ASH1L: variants seen among roughly 807,000 people sequenced by gnomAD.
ASH1L encodes ASH1 like histone lysine methyltransferase.
ASH1L carries 23 observed loss-of-function variants against 269.0 expected under a neutral mutation model. The ratio of observed to expected loss-of-function variants is 0.09; its 90% CI spans 0.06 to 0.12. ASH1L has a LOEUF of 0.12. Among genes scored for constraint, ASH1L ranks in the 10% least tolerant of loss-of-function variants. The pLI is 1.00. For synonymous variants in ASH1L, 1,187 were observed against 1,253.5 expected, an observed-to-expected ratio of 0.95 and a Z score of 1.12; for missense variants, 2,912 against 3,567.8, an observed-to-expected ratio of 0.82 and a Z score of 4.68.
At chr1:155,550,740 GTCTA>G (rs899741748) in intron 1 of ASH1L, among the ~76,000 whole-genome samples, 5 of 152,032 alleles carry the variant, frequency 3.3e-5, no homozygotes, top group African/African-American at 1.2e-4. Flanking sequence ...ATTTAATATT[GTCTA>G]TCTTACTCAA....
intron 2 of ASH1L, among the ~76,000 whole-genome samples, chr1:155,493,882 A>AT (rs535157037): frequency 3.5e-4 from 53 of 151,692 alleles, no homozygotes; most frequent in Middle Eastern, 3.4e-3. Flanking sequence ...TCAAAAAAAA[A>AT]TTTTTTTTTC....
chr1:155,417,835 G>A (rs978508356), intron 5 of ASH1L, among the ~76,000 whole-genome samples: 2 of 152,020 alleles, frequency 1.3e-5, no homozygotes, highest in African/African-American at 2.4e-5. Flanking sequence ...GTGCAAGCCC[G>A]TAGTCCCAGC....
intron 7 of ASH1L, among the ~76,000 whole-genome samples, chr1:155,381,574 C>CA (rs1459613736): frequency 6.7e-6 from 1 of 149,854 alleles, no homozygotes; most frequent in African/African-American, 2.5e-5. Context: ...ATCAAACAAA[C>CA]AAAAAAACCA....
At chr1:155,369,248 C>T (rs1038544864) in intron 12 of ASH1L, among the ~76,000 whole-genome samples, 1 of 152,038 alleles carries the variant, frequency 6.6e-6, no homozygotes, top group Non-Finnish European at 1.5e-5. Context: ...TCGAGACCAT[C>T]CTGGCTAACA....
chr1:155,472,420 C>T (rs1406388036), intron 3 of ASH1L, among the ~76,000 whole-genome samples: 1 of 152,180 alleles, frequency 6.6e-6, no homozygotes, highest in African/African-American at 2.4e-5. Context: ...CCATTTTCAC[C>T]CCAACTTCTG....
chr1:155,501,423 T>A (rs1343464960), intron 2 of ASH1L, among the ~76,000 whole-genome samples: 2 of 152,190 alleles, frequency 1.3e-5, no homozygotes, highest in African/African-American at 4.8e-5. Context: ...TAGGCTGGAG[T>A]GCAGTAGCAC....
At chr1:155,364,334 G>A (rs1002943532) in intron 12 of ASH1L, among the ~76,000 whole-genome samples, 6 of 152,096 alleles carry the variant, frequency 3.9e-5, no homozygotes, top group African/African-American at 1.4e-4. Context: ...ACTAATTTCC[G>A]CTGGGGACAT....
chr1:155,379,859 A>T (rs980515777), intron 8 of ASH1L, among the ~76,000 whole-genome samples, 184 bp downstream of exon 8: 1 of 152,240 alleles, frequency 6.6e-6, no homozygotes, highest in Non-Finnish European at 1.5e-5. Flanking sequence ...CAGTAAGAGT[A>T]AAGGCAAATA....
At chr1:155,349,736 A>C (rs887144183) in intron 17 of ASH1L, 140 bp from the exon 18 acceptor site, 1 of 603,032 alleles carries the variant, frequency 1.7e-6, no homozygotes, top group African/African-American at 3.5e-5. Context: ...TTTTTTTTTG[A>C]GACAGAGTCT....
In ASH1L at chr1:155,549,468, C is replaced by T. The variant is rs139366228; in HGVS notation, c.-100+12685G>A. Among the ~76,000 whole-genome samples, 484 of 151,924 alleles carry T rather than the reference C, an allele frequency of 3.2e-3. 4 individuals are homozygous for T. The highest frequency in any genetic ancestry group is 4.2e-3 in the Non-Finnish European group (284 of 67,928). The stretch of plus-strand genomic sequence containing the variant: ...GCCTGGGCAACATAGTGAAACCCCA[C>T]CTCTACTAAAAATACAAAAATTAGC... On this transcript the variant is annotated intron_variant, in intron 1 of 27. Transcript: ENST00000392403.
At chr1:155,364,941 A>AAAAG (rs1655276633) in intron 12 of ASH1L, among the ~76,000 whole-genome samples, 1 of 151,628 alleles carries the variant, frequency 6.6e-6, no homozygotes, top group African/African-American at 2.4e-5. Flanking sequence ...AAAAAAAAAA[A>AAAAG]AAGGCTGCTC....
intron 6 of ASH1L, among the ~76,000 whole-genome samples, chr1:155,402,117 G>A (rs1398328940): frequency 6.6e-6 from 1 of 152,018 alleles, no homozygotes; most frequent in East Asian, 1.9e-4. Flanking sequence ...GCTGGGCATG[G>A]TGATTGTGCC....
chr1:155,441,763 G>A (rs941888025), intron 4 of ASH1L, among the ~76,000 whole-genome samples: 2 of 144,390 alleles, frequency 1.4e-5, no homozygotes, highest in African/African-American at 5.3e-5. Context: ...ACTGCGCCTG[G>A]CCTTTTTTTT....
chr1:155,433,557 A>C, intron 5 of ASH1L: 2 of 1,610,900 alleles, frequency 1.2e-6, no homozygotes, highest in South Asian at 2.2e-5. Context: ...AAACTGGAGA[A>C]GGAGAAGCTG....
chr1:155,496,688 G>C (rs1367790371), intron 2 of ASH1L, among the ~76,000 whole-genome samples: 1 of 152,080 alleles, frequency 6.6e-6, no homozygotes, highest in Non-Finnish European at 1.5e-5. Flanking sequence ...ACATAGGCTG[G>C]AGTTCAGTGG....
At chr1:155,412,108 G>A (rs1456310970) in intron 6 of ASH1L, among the ~76,000 whole-genome samples, 8 of 151,942 alleles carry the variant, frequency 5.3e-5, no homozygotes, top group African/African-American at 1.2e-4. Context: ...TGGGCATGGC[G>A]GTGTGTGCCT....
chr1:155,434,415 A>T (rs1048134288), intron 5 of ASH1L, among the ~76,000 whole-genome samples: 1 of 151,560 alleles, frequency 6.6e-6, no homozygotes, highest in African/African-American at 2.4e-5. Flanking sequence ...AGTTTGGGGC[A>T]ACTGGTTGGA....
rs771801689 is a variant in ASH1L, at chr1:155,415,767, A to G, written c.5985T>C (p.Tyr1995=). 1 of 1,614,114 alleles carries G rather than the reference A, an allele frequency of 6.2e-7. No individual in the cohort carries two copies. The highest frequency in any genetic ancestry group is 1.7e-5 in the Admixed American group (1 of 59,988). ...ACTCTGTAGTTTTGTAAACGTCAGA[A>G]TACAGCCCTGCTTTCTGATACTTCT... ...PKKKYQKAGL[Y]SDVYKTTDPK... The change falls in exon 6 of 28, where the codon TAT becomes TAC. Residue 1995 remains tyrosine, a synonymous_variant. Transcript: ENST00000392403.
intron 2 of ASH1L, among the ~76,000 whole-genome samples, chr1:155,492,021 T>C (rs1279981630): frequency 1.4e-5 from 2 of 147,256 alleles, no homozygotes; most frequent in Admixed American, 6.9e-5. Context: ...AGGTGGAATA[T>C]AGTTTTGTTT....
Sources: gnomAD v4.1 joint callset for allele counts (sites outside exome capture counted in the v4.1 genomes callset) on GRCh38, gnomAD v4.1.1 for gene constraint, MANE v1.5 for transcripts, NCBI Gene and HGNC (gene_info 2026-07-23, HGNC 2026-07-21) for gene names.